The following CKS2 variants were observed in gnomAD, a reference collection of about 807,000 sequenced individuals.
CKS2 encodes the protein CDC28 protein kinase regulatory subunit 2, also known as cyclin-dependent kinases regulatory subunit 2.
CKS2 carries 4 observed loss-of-function variants against 14.3 expected under a neutral mutation model. The observed-to-expected ratio is 0.28, with a 90% CI of 0.14 to 0.64. The LOEUF (loss-of-function observed/expected upper bound fraction) is 0.64. Ranked by LOEUF, CKS2 falls within the 30% of genes least tolerant of loss-of-function variation. The pLI, the probability that CKS2 is intolerant of heterozygous loss-of-function variation, is 0.83. For missense variants in CKS2, 71 were observed against 94.3 expected (o/e 0.75, Z 1.02); for synonymous variants, 33 against 28.7 (o/e 1.15, Z -0.48).
At position 89,311,358 on chromosome 9, in the gene CKS2, G is replaced by C. The variant is rs182461066; in HGVS notation, c.59+7G>C. 1.2e-6 allele frequency: 2 copies of C among 1,600,072 alleles called. No individual in the cohort carries two copies. Among genetic ancestry groups the C allele is most frequent in the East Asian group, 2.4e-5 (1 of 42,444 alleles). Reference sequence around the variant, plus strand: ...ACGAACACTACGAGTACCGGTGGGCGCCTTTCTTAGACCCCGAGCCGGCTC... The same window carrying C: ...ACGAACACTACGAGTACCGGTGGGCCCCTTTCTTAGACCCCGAGCCGGCTC... On this transcript the variant is annotated splice_region_variant and intron_variant, in intron 1 of 2. Coordinates refer to ENST00000314355, the MANE Select transcript of CKS2 (RefSeq NM_001827.3).
At chr9:89,313,495 C>T (rs575496001) in intron 1 of CKS2, among the ~76,000 whole-genome samples, 2 of 152,290 alleles carry the variant, frequency 1.3e-5, no homozygotes, top group South Asian at 4.1e-4. Flanking sequence ...AAATAATTTT[C>T]CTTACATGTA....
chr9:89,315,331 T>A (rs776513676), intron 2 of CKS2, 34 bp downstream of exon 2: 1 of 1,480,420 alleles, frequency 6.8e-7, no homozygotes, highest in Admixed American at 2.2e-5. Flanking sequence ...AAGCAGTAAT[T>A]GTTGAAATAT....
intron 1 of CKS2, chr9:89,312,407 A>AT: frequency 6.5e-6 from 1 of 154,368 alleles, no homozygotes; most frequent in Non-Finnish European, 1.5e-5. Flanking sequence ...GCGTTCTGGG[A>AT]TACTACCAAG....
chr9:89,314,498 A>C (rs1824673128), intron 1 of CKS2, among the ~76,000 whole-genome samples: 1 of 152,202 alleles, frequency 6.6e-6, no homozygotes, highest in East Asian at 1.9e-4. Flanking sequence ...TTCTGTTTTT[A>C]ATTTTGAACA....
intron 2 of CKS2, 60 bp downstream of exon 2, chr9:89,315,357 T>C: frequency 7.2e-7 from 1 of 1,386,772 alleles, no homozygotes; most frequent in South Asian, 1.7e-5. Flanking sequence ...GTTATGGTTG[T>C]CAAAATTTTA....
intron 1 of CKS2, among the ~76,000 whole-genome samples, chr9:89,314,084 A>G (rs894412679): frequency 1.3e-5 from 2 of 152,264 alleles, no homozygotes; most frequent in Non-Finnish European, 2.9e-5. Flanking sequence ...ATCCCCAGCC[A>G]GCTGACTCAC....
chr9:89,315,184 C>T lies in CKS2; in HGVS notation c.74C>T (p.Pro25Leu). Residue 25 changes from proline (P) to leucine (L), a missense_variant, in exon 2 of 3, where the codon CCC becomes CTC. By Grantham distance (98) the Pro-to-Leu change is moderately conservative. Coordinates refer to ENST00000314355, the MANE Select transcript of CKS2 (RefSeq NM_001827.3). ...TCTTGTAACAGGCATGTTATGTTAC[C>T]CAGAGAACTTTCCAAACAAGTACCT... ...EHYEYRHVML[P>L]RELSKQVPKT... 1 of 1,608,342 alleles carries T rather than the reference C, an allele frequency of 6.2e-7. No individual in the cohort carries two copies. Among genetic ancestry groups the T allele is most frequent in the Non-Finnish European group, 8.5e-7 (1 of 1,177,596 alleles).
intron 1 of CKS2, 134 bp downstream of exon 1, chr9:89,311,485 C>T (rs911296479): frequency 8.4e-6 from 5 of 596,192 alleles, no homozygotes; most frequent in South Asian, 2.9e-5. Flanking sequence ...GGGCGAGGGC[C>T]GGGGTTTGGG....
chr9:89,311,270 A>T lies in CKS2; in HGVS notation c.-23A>T. The T allele has an allele frequency of 6.2e-7, 1 of 1,605,528 alleles. No homozygotes were observed. The highest frequency in any genetic ancestry group is 2.3e-5 in the East Asian group (1 of 43,742). ...CGCCCGCTCTTCGCGCTCTCGTTTCATTTTCTGCAGCGCGCCAGCAGGATG... is the reference window on the plus strand; with the variant it reads ...CGCCCGCTCTTCGCGCTCTCGTTTCTTTTTCTGCAGCGCGCCAGCAGGATG... On this transcript the variant is annotated 5_prime_UTR_variant, in exon 1 of 3. Transcript: ENST00000314355.
chr9:89,311,406 C>A, intron 1 of CKS2, 55 bp downstream of exon 1: 1 of 1,350,288 alleles, frequency 7.4e-7, no homozygotes, highest in Non-Finnish European at 1.0e-6. Context: ...CCCCCGCGGG[C>A]GGGGCGACCC....
chr9:89,316,205 C>G (rs1020162337), intron 2 of CKS2, among the ~76,000 whole-genome samples, 168 bp from the exon 3 acceptor site: 3 of 151,988 alleles, frequency 2.0e-5, no homozygotes, highest in Admixed American at 2.0e-4. Context: ...TACTTTTAAT[C>G]TATTTACTGT....
intron 1 of CKS2, among the ~76,000 whole-genome samples, chr9:89,312,723 A>G (rs1435874598): frequency 6.6e-6 from 1 of 152,198 alleles, no homozygotes; most frequent in African/African-American, 2.4e-5. Flanking sequence ...ATAATAAACT[A>G]TACTCGTGTA....
In CKS2 at chr9:89,311,325, G is replaced by A. The variant is rs1026137627; in HGVS notation, c.33G>A (p.Lys11=). ...ACAAGCAGATCTACTACTCGGACAA[G>A]TACTTCGACGAACACTACGAGTACC... MAHKQIYYSD[K]YFDEHYEYRH... The change falls in exon 1 of 3, where the codon AAG becomes AAA. Residue 11 remains lysine (K), a synonymous_variant. Coordinates refer to ENST00000314355, the MANE Select transcript of CKS2 (RefSeq NM_001827.3). The A allele has an allele frequency of 1.2e-6, 2 of 1,610,566 alleles. No homozygotes were observed. Among genetic ancestry groups the A allele is most frequent in the African/African-American group, 2.7e-5 (2 of 74,606 alleles).
At chr9:89,314,442 G>A (rs1208746868) in intron 1 of CKS2, among the ~76,000 whole-genome samples, 5 of 152,154 alleles carry the variant, frequency 3.3e-5, no homozygotes, top group Non-Finnish European at 4.4e-5. Context: ...TAAATTAACT[G>A]GAAAACGGTG....
Position 89,311,256 on chromosome 9 carries a change from C to T in CKS2, c.-37C>T, listed in dbSNP as rs775754220. On this transcript the variant is annotated 5_prime_UTR_variant, in exon 1 of 3. Transcript: ENST00000314355. ...GGTTTTGTCTGCTGCGCCCGCTCTT[C>T]GCGCTCTCGTTTCATTTTCTGCAGC... 2.6e-4 allele frequency: 411 copies of T among 1,591,876 alleles called. 6 individuals carry two copies. In the South Asian group the frequency reaches 4.4e-3, roughly 17 times the overall value.
chr9:89,312,164 T>C (rs1396713140), intron 1 of CKS2: 1 of 154,572 alleles, frequency 6.5e-6, no homozygotes. Flanking sequence ...GAGAAACTTT[T>C]GCGTTTGAGT....
chr9:89,316,501 TGA>T lies in CKS2; in HGVS notation c.*79_*80del. On this transcript the variant is annotated 3_prime_UTR_variant, in exon 3 of 3. Transcript: ENST00000314355. ...TATAAGGTAGTATTCAGTGAATACT[TGA>T]GAAATGTACAAATCTTTCATCCATA... 2 of 901,944 alleles carry T rather than the reference TGA, an allele frequency of 2.2e-6. No individual in the cohort carries two copies. The highest frequency in any genetic ancestry group is 1.8e-6 in the Non-Finnish European group (1 of 559,636). 55.9% of individuals were successfully genotyped at this position (901,944 alleles called of 1,614,324 possible). A position where few individuals can be genotyped will look rare whatever the true frequency, so the allele number is the denominator to read the frequency against.
At chr9:89,312,517 G>T (rs1824638465) in intron 1 of CKS2, among the ~76,000 whole-genome samples, 1 of 152,116 alleles carries the variant, frequency 6.6e-6, no homozygotes, top group African/African-American at 2.4e-5. Flanking sequence ...GCTATTTAAG[G>T]AAGAAAGAAC....
chr9:89,312,659 C>A (rs1355443156), intron 1 of CKS2, among the ~76,000 whole-genome samples: 1 of 152,078 alleles, frequency 6.6e-6, no homozygotes, highest in African/African-American at 2.4e-5. Context: ...AGAAAAATAG[C>A]ATGTTTTTCT....
Sources: gnomAD v4.1 joint callset for allele counts (sites outside exome capture counted in the v4.1 genomes callset) on GRCh38, gnomAD v4.1.1 for gene constraint, MANE v1.5 for transcripts, NCBI Gene and HGNC (gene_info 2026-07-23, HGNC 2026-07-21) for gene names.